Variants in NFIB observed in about 807,000 individuals in gnomAD.
NFIB encodes nuclear factor I B.
In NFIB, 11 loss-of-function variants were observed where a neutral mutation model predicts 61.5. The observed-to-expected ratio is 0.18, with a 90% CI of 0.11 to 0.30. NFIB has a LOEUF of 0.30. NFIB is among the 10% of genes least tolerant of loss of function. NFIB has a pLI of 1.00. For missense variants in NFIB, 471 were observed against 608.9 expected (o/e 0.77, Z 2.38); for synonymous variants, 260 against 216.5 (o/e 1.20, Z -1.76).
rs747872784 is a variant in NFIB, at chr9:14,150,187, G to A, written c.764C>T (p.Ser255Leu). The change falls in exon 5 of 11, where the codon TCG (serine) becomes TTG (leucine). Residue 255 changes from serine to leucine, a missense_variant. By Grantham distance (145) the Ser-to-Leu change is moderately radical (BLOSUM62 -2). Transcript: ENST00000380953. The stretch of plus-strand genomic sequence containing the variant: ...CAGAGACCTCTGAAGATTGACCCCC[G>A]AGTTCATGTCATGATAGTATGGTTG... The part of the protein sequence containing the change: ...PSQPYYHDMN[S>L]GVNLQRSLSS... The A allele has an allele frequency of 1.3e-5, 21 of 1,613,470 alleles. No homozygotes were observed. The highest frequency in any genetic ancestry group is 1.8e-5 in the Non-Finnish European group (21 of 1,179,612).
Position 14,323,297 on chromosome 9 carries a change from G to C in NFIB, c.109-15777C>G, listed in dbSNP as rs796699670. ...TCCCAGAAGTAAACACTCTAGAGGAGATTGGATAGTGAGTTAATGTTCATA... is the reference window on the plus strand; with the variant it reads ...TCCCAGAAGTAAACACTCTAGAGGACATTGGATAGTGAGTTAATGTTCATA... On this transcript the variant is annotated intron_variant, in intron 1 of 8. Transcript: ENST00000380934. Among the ~76,000 whole-genome samples the C allele has an allele frequency of 9.8e-5, 15 of 152,304 alleles. 1 individual carries two copies. The highest frequency in any genetic ancestry group is 3.6e-4 in the African/African-American group (15 of 41,556).
At chr9:14,230,830 A>T (rs575481150) in intron 2 of NFIB, among the ~76,000 whole-genome samples, 1 of 152,192 alleles carries the variant, frequency 6.6e-6, no homozygotes, top group South Asian at 2.1e-4. Context: ...GCCTTTCACA[A>T]TGTGCAAAGA....
chr9:14,524,812 G>A, the NFIB span, among the ~76,000 whole-genome samples: 1,008 of 152,208 alleles, frequency 6.6e-3, 42 homozygotes, highest in Admixed American at 0.054. Flanking sequence ...CCAGAACACC[G>A]GCAAAATTCT....
At chr9:14,450,202 G>A in the NFIB span, among the ~76,000 whole-genome samples, 1 of 151,976 alleles carries the variant, frequency 6.6e-6, no homozygotes, top group Admixed American at 6.6e-5. Context: ...TCCCACCGAT[G>A]AGTGACAACA....
upstream of NFIB, among the ~76,000 whole-genome samples, chr9:14,316,708 G>T (rs1407890801): frequency 6.6e-6 from 1 of 151,998 alleles, no homozygotes; most frequent in East Asian, 1.9e-4. Flanking sequence ...GAAACCACCA[G>T]CACGAAAGCA....
intron 3 of NFIB, among the ~76,000 whole-genome samples, chr9:14,169,602 C>T (rs1387499368): frequency 6.6e-6 from 1 of 152,170 alleles, no homozygotes; most frequent in Non-Finnish European, 1.5e-5. Context: ...GGGCGGATCA[C>T]ATGAGGTCAG....
At chr9:14,266,525 G>A (rs1305254115) in intron 2 of NFIB, among the ~76,000 whole-genome samples, 2 of 152,046 alleles carry the variant, frequency 1.3e-5, no homozygotes, top group South Asian at 2.1e-4. Context: ...AGCCAGGGAG[G>A]TGGAGGCTGC....
chr9:14,142,222 A>T (rs1235866657), intron 6 of NFIB, among the ~76,000 whole-genome samples: 1 of 152,126 alleles, frequency 6.6e-6, no homozygotes, highest in Admixed American at 6.6e-5. Flanking sequence ...GTGGGAGGAG[A>T]CTGAGTTATG....
chr9:14,475,515 G>A, the NFIB span, among the ~76,000 whole-genome samples: 1 of 152,174 alleles, frequency 6.6e-6, no homozygotes, highest in Non-Finnish European at 1.5e-5. Flanking sequence ...AGGCCAGCGA[G>A]TCTTGAATGC....
At chr9:14,160,185 T>G (rs2043984469) in intron 3 of NFIB, among the ~76,000 whole-genome samples, 1 of 152,182 alleles carries the variant, frequency 6.6e-6, no homozygotes. Flanking sequence ...AAAGGCAATA[T>G]CAAATTATAT....
the NFIB span, among the ~76,000 whole-genome samples, chr9:14,511,918 C>G: frequency 6.6e-6 from 1 of 152,252 alleles, no homozygotes; most frequent in Non-Finnish European, 1.5e-5. Flanking sequence ...AACAAGGCCT[C>G]TTGGGTTCAA....
intron 1 of NFIB, among the ~76,000 whole-genome samples, chr9:14,382,099 T>C (rs2061494708): frequency 6.6e-6 from 1 of 152,068 alleles, no homozygotes; most frequent in Non-Finnish European, 1.5e-5. Context: ...AAATCTAAGG[T>C]CCCTGAGGGC....
chr9:14,343,841 GA>G (rs1248148823), intron 1 of NFIB, among the ~76,000 whole-genome samples: 1 of 148,686 alleles, frequency 6.7e-6, no homozygotes, highest in African/African-American at 2.5e-5. Flanking sequence ...GTCGGGGGGG[GA>G]AGTGTGCCAG....
At chr9:14,495,446 C>CTTTTTT in the NFIB span, among the ~76,000 whole-genome samples, 96 of 117,252 alleles carry the variant, frequency 8.2e-4, 7 homozygotes, top group African/African-American at 2.9e-3. Flanking sequence ...GAGAAATGAA[C>CTTTTTT]TTTTTTTTTT....
At chr9:14,517,325 G>A in the NFIB span, among the ~76,000 whole-genome samples, 1 of 152,182 alleles carries the variant, frequency 6.6e-6, no homozygotes, top group Non-Finnish European at 1.5e-5. Context: ...AGGGATGTGG[G>A]TTACATGCCT....
At chr9:14,102,476 C>T in intron 10 of NFIB, 2 of 1,550,326 alleles carry the variant, frequency 1.3e-6, no homozygotes, top group South Asian at 1.2e-5. Flanking sequence ...TAAATGCCTG[C>T]CGTTTTGATT....
chr9:14,367,472 C>A, intron 1 of NFIB, among the ~76,000 whole-genome samples: 1 of 151,866 alleles, frequency 6.6e-6, no homozygotes, highest in South Asian at 2.1e-4. Flanking sequence ...CATCTGAGAT[C>A]TAAGAAGTTG....
At chr9:14,507,083 T>C in the NFIB span, among the ~76,000 whole-genome samples, 8 of 152,228 alleles carry the variant, frequency 5.3e-5, no homozygotes, top group Non-Finnish European at 1.5e-5. Context: ...AAAAAGTTTT[T>C]AGAGCAATGC....
At chr9:14,197,761 A>C (rs1033535261) in intron 2 of NFIB, among the ~76,000 whole-genome samples, 7 of 152,216 alleles carry the variant, frequency 4.6e-5, no homozygotes, top group African/African-American at 1.7e-4. Context: ...CTGAGGCTGC[A>C]GCGCTTTAGC....
Sources: allele counts gnomAD v4.1 joint callset (sites outside exome capture counted in the v4.1 genomes callset), GRCh38; gene constraint gnomAD v4.1.1; transcripts MANE v1.5; gene names NCBI Gene and HGNC (gene_info 2026-07-23, HGNC 2026-07-21).